The following GPSM1 variants were observed in gnomAD, a reference collection of about 807,000 sequenced individuals.
GPSM1 encodes the protein G protein-signaling modulator 1.
GPSM1 carries 48 observed loss-of-function variants against 70.5 expected under a neutral mutation model. The ratio of observed to expected loss-of-function variants is 0.68; its 90% CI spans 0.54 to 0.87. The LOEUF is 0.87. GPSM1 is among the 40% of genes least tolerant of loss of function. The probability of loss-of-function intolerance (pLI) is 0.00; values close to 1 mark genes in which losing one functional copy is unlikely to be tolerated. For synonymous variants in GPSM1, 416 were observed against 430.1 expected, an observed-to-expected ratio of 0.97 and a Z score of 0.41; for missense variants, 981 against 972.6, an observed-to-expected ratio of 1.01 and a Z score of -0.11.
chr9:136,339,416 C>T (rs575229571), intron 7 of GPSM1, among the ~76,000 whole-genome samples: 1 of 152,366 alleles, frequency 6.6e-6, no homozygotes, highest in South Asian at 2.1e-4. Context: ...CAGAAACTGC[C>T]CGCAAAGGCA....
Position 136,335,907 on chromosome 9 carries a change from C to T in GPSM1, c.291-59C>T. ...ACCCCACCCCATGCTCAGCCTCCCC[C>T]CGGGCCCAGAGGCCTGACCAGTCCT... On this transcript the variant is annotated intron_variant, in intron 2 of 13. Coordinates refer to ENST00000440944, the MANE Select transcript of GPSM1 (RefSeq NM_001145638.3). 1.9e-6 allele frequency: 3 copies of T among 1,568,480 alleles called. No homozygotes were observed. In the South Asian group the frequency reaches 3.4e-5, roughly 18 times the overall value.
chr9:136,348,085 G>A (rs1832566178), intron 9 of GPSM1, among the ~76,000 whole-genome samples: 1 of 152,232 alleles, frequency 6.6e-6, no homozygotes. Context: ...GGCTAGAGGG[G>A]ATGGGGGTCC....
intron 9 of GPSM1, among the ~76,000 whole-genome samples, chr9:136,346,326 C>A (rs1304978901): frequency 6.6e-6 from 1 of 152,204 alleles, no homozygotes; most frequent in Non-Finnish European, 1.5e-5. Flanking sequence ...GAAGACCAGC[C>A]TGGGCCCCCA....
chr9:136,344,137 A>G (rs1158603312), intron 9 of GPSM1, among the ~76,000 whole-genome samples: 1 of 146,076 alleles, frequency 6.8e-6, no homozygotes, highest in East Asian at 2.2e-4. Context: ...GGAGGTGCGG[A>G]CAGGAACGGG....
intron 2 of GPSM1, 29 bp from the exon 3 acceptor site, chr9:136,335,937 C>T (rs929258967): frequency 1.2e-6 from 2 of 1,609,282 alleles, no homozygotes; most frequent in Non-Finnish European, 1.7e-6. Flanking sequence ...AGTCCTCAGC[C>T]TGACCCCTCA....
Position 136,349,645 on chromosome 9 carries a change from T to C in GPSM1, c.1337T>C (p.Leu446Pro), listed in dbSNP as rs1554771752. 6.5e-7 allele frequency: 1 copy of C among 1,550,232 alleles called. No individual in the cohort carries two copies. Among genetic ancestry groups the C allele is most frequent in the Middle Eastern group, 1.7e-4 (1 of 5,956 alleles). ...GDWRGPSRDS[L>P]PLPVRSRKYQ... is the part of the protein sequence containing the mutation. ...TGGCGGGGGCCCAGCAGGGACTCGC[T>C]ACCCCTCCCCGTGAGGAGCAGGAAG... The change falls in exon 11 of 14, where the codon CTA becomes CCA. Residue 446 changes from leucine (L) to proline (P), a missense_variant. Leu to Pro is a moderately conservative substitution (Grantham distance 98, BLOSUM62 -3). Transcript: ENST00000440944.
chr9:136,352,194 A>G (rs782369907), intron 11 of GPSM1, among the ~76,000 whole-genome samples: 23,979 of 54,786 alleles, frequency 0.44, 7,309 homozygotes, highest in East Asian at 0.72. Context: ...TGTTGGTGAC[A>G]CCGATGCTGC....
chr9:136,346,936 C>T (rs1832537574), intron 9 of GPSM1, among the ~76,000 whole-genome samples: 2 of 152,170 alleles, frequency 1.3e-5, no homozygotes, highest in Non-Finnish European at 2.9e-5. Context: ...CCAGGGCTAA[C>T]GGTGGGGTCC....
chr9:136,348,839 G>A, intron 10 of GPSM1, 72 bp downstream of exon 10: 2 of 1,155,074 alleles, frequency 1.7e-6, no homozygotes, highest in Non-Finnish European at 1.3e-6. Flanking sequence ...TAATGAGGCA[G>A]AGCCACCGCC....
At position 136,344,465 on chromosome 9, in the gene GPSM1, C is replaced by T. The variant is rs565653914; in HGVS notation, c.1207+3472C>T. ...GAGCCTCTTCCGGGCTGGCAGACGG[C>T]GCTTTCTTGTTGTGTCCTCACCTAG... is the stretch of plus-strand genomic sequence containing the variant. On this transcript the variant is annotated intron_variant, in intron 9 of 13. Transcript: ENST00000440944. 3.1e-4 allele frequency among the ~76,000 whole-genome samples: 47 copies of T among 152,280 alleles called. 1 individual carries two copies. The highest frequency in any genetic ancestry group is 9.9e-4 in the African/African-American group (41 of 41,554).
At chr9:136,345,468 G>A (rs1004970681) in intron 9 of GPSM1, among the ~76,000 whole-genome samples, 3 of 152,230 alleles carry the variant, frequency 2.0e-5, no homozygotes, top group South Asian at 2.1e-4. Flanking sequence ...CCCACCGTCC[G>A]TGCCTGGCCA....
rs892367895 is a variant in GPSM1 at position 136,337,431 on chromosome 9, C to T, written c.579-10C>T. 53 of 1,567,870 alleles carry T rather than the reference C, an allele frequency of 3.4e-5. No individual in the cohort carries two copies. The highest frequency in any genetic ancestry group is 5.4e-5 in the African/African-American group (4 of 74,444). ...GGGAGGGACACGGCTCAGAGGCACT[C>T]GGCCCCCAGGAGGAACCTGTCCCTG... On this transcript the variant is annotated splice_polypyrimidine_tract_variant and intron_variant, in intron 4 of 13. Transcript: ENST00000440944.
intron 4 of GPSM1, 27 bp downstream of exon 4, chr9:136,337,099 A>G: frequency 6.5e-7 from 1 of 1,529,942 alleles, no homozygotes; most frequent in Non-Finnish European, 8.8e-7. Context: ...CAGCCCAGGG[A>G]CCGGGGCTGG....
intron 1 of GPSM1, among the ~76,000 whole-genome samples, chr9:136,328,464 G>T (rs1250058560): frequency 1.3e-5 from 2 of 152,230 alleles, no homozygotes; most frequent in African/African-American, 4.8e-5. Flanking sequence ...CCAGGCAGGG[G>T]CTTGCGAATG....
Position 136,358,077 on chromosome 9 carries a change from C to G in GPSM1, c.1885C>G (p.Pro629Ala). ...PDVLPRGPTMPDEDFFSLIQR... is the reference protein window; with the variant it reads ...PDVLPRGPTMADEDFFSLIQR... The stretch of plus-strand genomic sequence containing the variant: ...CGTACTGCCCCGGGGCCCTACCATG[C>G]CGGACGAGGACTTCTTCAGCCTCAT... Residue 629 changes from proline (P) to alanine (A), a missense_variant, in exon 14 of 14, where the codon CCG (proline) becomes GCG (alanine). By Grantham distance (27) the Pro-to-Ala change is conservative (BLOSUM62 -1). Transcript: ENST00000440944. The G allele has an allele frequency of 6.2e-7, 1 of 1,612,714 alleles. No homozygotes were observed. Among genetic ancestry groups the G allele is most frequent in the Non-Finnish European group, 8.5e-7 (1 of 1,179,796 alleles).
At position 136,327,796 on chromosome 9, in the gene GPSM1, G is replaced by A. The variant is rs1457907780; in HGVS notation, c.68+33G>A. 2.3e-5 allele frequency: 21 copies of A among 927,934 alleles called. No homozygotes were observed. The Admixed American group carries it at 2.3e-4, about 10-fold the overall frequency. 57.5% of individuals were successfully genotyped at this position (927,934 alleles called of 1,614,324 possible). A position where few individuals can be genotyped will look rare whatever the true frequency, so the allele number is the denominator to read the frequency against. ...GGGCCGGGGCCGGGGCCGGGGCCGG[G>A]GCTGGGACCGGACCGGGCCGGGTCG... is the stretch of plus-strand genomic sequence containing the variant. On this transcript the variant is annotated intron_variant, in intron 1 of 13. Transcript: ENST00000440944.
At chr9:136,355,660 T>C (rs1588709825) in intron 11 of GPSM1, 30 bp from the exon 12 acceptor site, 7 of 1,605,642 alleles carry the variant, frequency 4.4e-6, no homozygotes, top group Non-Finnish European at 6.0e-6. Flanking sequence ...GGGGCTAGCT[T>C]TGGCTGCGGT....
rs1035017048 is a variant in GPSM1 at position 136,341,496 on chromosome 9, C to G, written c.1207+503C>G. 5 of 1,255,604 alleles carry G rather than the reference C, an allele frequency of 4.0e-6. No individual in the cohort carries two copies. Among genetic ancestry groups the G allele is most frequent in the Non-Finnish European group, 5.0e-6 (5 of 995,710 alleles). The allele number at this position is 1,255,604 out of a possible 1,614,324, so 77.8% of individuals were successfully genotyped here. ...TCATGGACCGCTGGTCGTCCCATGC[C>G]GGTCAGCAGTGCTGCAGACACAGGA... On this transcript the variant is annotated intron_variant, in intron 9 of 13. Transcript: ENST00000440944. The surrounding 1 kb of genome is among the most constrained non-coding windows in gnomAD (Gnocchi z 6.7).
rs1554770200 is a variant in GPSM1, at chr9:136,341,077, G to A, written c.1207+84G>A. ...CTGCGGAGGGGTGGGATCGAGGCCA[G>A]GCCAGCATGGCGGAGGTGGCAGCCG... On this transcript the variant is annotated intron_variant, in intron 9 of 13. Transcript: ENST00000440944. This position sits in a 1 kb window ranked among gnomAD's most constrained non-coding sequence, Gnocchi z 6.7. The A allele has an allele frequency of 1.3e-6, 2 of 1,550,532 alleles. No individual in the cohort carries two copies. The highest frequency in any genetic ancestry group is 2.0e-5 in the Admixed American group (1 of 51,046).
Sources: gnomAD v4.1 joint callset for allele counts (sites outside exome capture counted in the v4.1 genomes callset) on GRCh38, gnomAD v4.1.1 for gene constraint, Gnocchi (gnomAD v3.1) non-coding constraint, MANE v1.5 for transcripts, NCBI Gene and HGNC (gene_info 2026-07-23, HGNC 2026-07-21) for gene names.